RGPD3: variants seen among roughly 807,000 people sequenced by gnomAD.
RGPD3 encodes the protein RANBP2 like and GRIP domain containing 3.
Under a neutral mutation model 154.5 loss-of-function variants are expected in RGPD3, and 62 were observed. The observed-to-expected ratio is 0.40, with a 90% CI of 0.33 to 0.50. RGPD3 has a LOEUF of 0.50. RGPD3 is among the 20% of genes least tolerant of loss of function. The pLI, the probability that RGPD3 is intolerant of heterozygous loss-of-function variation, is 0.59. For missense variants in RGPD3, 919 were observed against 1,716.8 expected (o/e 0.54, Z 8.21); for synonymous variants, 308 against 607.0 (o/e 0.51, Z 7.24).
intron 8 of RGPD3, among the ~76,000 whole-genome samples, chr2:106,440,897 G>C (rs1677720276): frequency 9.0e-6 from 1 of 110,514 alleles, no homozygotes; most frequent in Admixed American, 1.0e-4. Flanking sequence ...TCCTCACTAT[G>C]CTCTCAGTTC....
intron 7 of RGPD3, among the ~76,000 whole-genome samples, chr2:106,446,307 C>T (rs1330448902): frequency 6.6e-6 from 1 of 150,622 alleles, no homozygotes; most frequent in Non-Finnish European, 1.5e-5. Flanking sequence ...TGGCTCACGC[C>T]TGTAAATCCC....
At chr2:106,446,569 CAAAAAA>C (rs550745664) in intron 7 of RGPD3, among the ~76,000 whole-genome samples, 10 of 20,552 alleles carry the variant, frequency 4.9e-4, no homozygotes, top group East Asian at 2.0e-3. Context: ...GACTCCATCT[CAAAAAA>C]AAAAAAAAAA....
At chr2:106,468,196 G>T (rs761499928) in intron 1 of RGPD3, 21 bp downstream of exon 1, 18 of 1,596,730 alleles carry the variant, frequency 1.1e-5, no homozygotes, top group East Asian at 2.3e-5. Flanking sequence ...GAGGCCGTCG[G>T]TCTCTTCCAG....
chr2:106,459,369 G>C lies in RGPD3; in HGVS notation c.73-37C>G, dbSNP rs747098382. On this transcript the variant is annotated intron_variant, in intron 1 of 22. Coordinates refer to ENST00000409886, the MANE Select transcript of RGPD3 (RefSeq NM_001144013.2). Reference sequence around the variant, plus strand: ...TAAAAGTTGTTTTACGTTTCATACAGAAATATTTTCCAACATTTTTTCAAA... The same window carrying C: ...TAAAAGTTGTTTTACGTTTCATACACAAATATTTTCCAACATTTTTTCAAA... The C allele has an allele frequency of 1.8e-5, 26 of 1,452,028 alleles. No homozygotes were observed. The African/African-American group carries it at 3.1e-4, about 17-fold the overall frequency. The allele number at this position is 1,452,028 out of a possible 1,614,324, so 89.9% of individuals were successfully genotyped here. A position where few individuals can be genotyped will look rare whatever the true frequency, so the allele number is the denominator to read the frequency against.
chr2:106,467,713 C>G (rs1335618463), intron 1 of RGPD3, among the ~76,000 whole-genome samples: 2 of 142,438 alleles, frequency 1.4e-5, no homozygotes, highest in Non-Finnish European at 3.0e-5. Context: ...CGGGCCAGGT[C>G]GAGGCCGCCG....
intron 22 of RGPD3, among the ~76,000 whole-genome samples, chr2:106,411,511 T>C (rs929090009): frequency 3.1e-4 from 46 of 149,264 alleles, no homozygotes; most frequent in Non-Finnish European, 5.0e-4. Context: ...AATATATTTA[T>C]ATATATAATT....
rs1335561702 is a variant in RGPD3 at position 106,403,946 on chromosome 2, T to C, written c.*1273A>G. On this transcript the variant is annotated 3_prime_UTR_variant, in exon 23 of 23. Transcript: ENST00000409886. ...AACTTCAGAGAGCATACTATGTGAT[T>C]AATACATAAATATTAAAAATTATCC... is the stretch of plus-strand genomic sequence containing the variant. Among the ~76,000 whole-genome samples the C allele has an allele frequency of 6.6e-6, 1 of 152,264 alleles. No individual in the cohort carries two copies. Among genetic ancestry groups the C allele is most frequent in the Non-Finnish European group, 1.5e-5 (1 of 68,050 alleles).
Position 106,404,669 on chromosome 2 carries a change from G to A in RGPD3, c.*550C>T, listed in dbSNP as rs1676453504. ...GAGACAAGGTCTCGCTCTGTTCCCC[G>A]AGCTGGAGTGCAGTGATACAATCAC... is the stretch of plus-strand genomic sequence containing the variant. On this transcript the variant is annotated 3_prime_UTR_variant, in exon 23 of 23. Transcript: ENST00000409886. Among the ~76,000 whole-genome samples the A allele has an allele frequency of 1.0e-5, 1 of 95,854 alleles. No individual in the cohort carries two copies. Among genetic ancestry groups the A allele is most frequent in the African/African-American group, 3.7e-5 (1 of 27,118 alleles). The allele number at this position is 95,854 out of a possible 152,430, so 62.9% of individuals were successfully genotyped here.
At chr2:106,446,096 A>T (rs1257557186) in intron 7 of RGPD3, among the ~76,000 whole-genome samples, 2 of 94,456 alleles carry the variant, frequency 2.1e-5, no homozygotes, top group Non-Finnish European at 4.2e-5. Context: ...CTCAAAAAGA[A>T]AAAAAGATTT....
rs555945767 is a variant in RGPD3 at position 106,424,140 on chromosome 2, C to G, written c.3827G>C (p.Ser1276Thr). 3.1e-5 allele frequency: 50 copies of G among 1,602,396 alleles called. 3 individuals carry two copies. The highest frequency in any genetic ancestry group is 4.0e-5 in the Non-Finnish European group (47 of 1,178,394). The change falls in exon 20 of 23, where the codon AGC becomes ACC. Residue 1276 changes from serine to threonine, a missense_variant. Ser to Thr is a moderately conservative substitution (Grantham distance 58, BLOSUM62 1). Coordinates refer to ENST00000409886, the MANE Select transcript of RGPD3 (RefSeq NM_001144013.2). ...SSVHASPLAS[S>T]PVRKNLFHFD... ...GTGGAAAAGATTTTTTCTCACAGGGCTACTTGCCAATGGAGAAGCATGTAC... is the reference window on the plus strand; with the variant it reads ...GTGGAAAAGATTTTTTCTCACAGGGGTACTTGCCAATGGAGAAGCATGTAC...
At chr2:106,421,897 C>T (rs1464335747) in intron 20 of RGPD3, among the ~76,000 whole-genome samples, 1 of 151,266 alleles carries the variant, frequency 6.6e-6, no homozygotes, top group African/African-American at 2.4e-5. Context: ...AAAAACAAAC[C>T]AACAAGGGTG....
Position 106,415,852 on chromosome 2 carries a change from T to G in RGPD3, c.5062A>C (p.Lys1688Gln). Reference protein sequence around the residue: ...ATNAVLMEQIKLLKSEIRRLE... With the variant: ...ATNAVLMEQIQLLKSEIRRLE... ...GTGGCCAGGTTTTCTGATCTCACCT[T>G]AATTTGCTCCATAAGGACTGCATTG... is the stretch of plus-strand genomic sequence containing the variant. Residue 1688 changes from lysine to glutamine, a missense_variant and splice_region_variant, in exon 21 of 23, where the codon AAG (lysine) becomes CAG (glutamine). Transcript: ENST00000409886. 1 of 1,611,870 alleles carries G rather than the reference T, an allele frequency of 6.2e-7. No homozygotes were observed. Among genetic ancestry groups the G allele is most frequent in the Non-Finnish European group, 8.5e-7 (1 of 1,179,832 alleles).
chr2:106,421,501 G>A (rs1676985391), intron 20 of RGPD3, among the ~76,000 whole-genome samples: 1 of 151,146 alleles, frequency 6.6e-6, no homozygotes, highest in Non-Finnish European at 1.5e-5. Context: ...GCATGGCTAA[G>A]ATGTGTTACT....
intron 6 of RGPD3, among the ~76,000 whole-genome samples, chr2:106,449,273 T>G (rs1230231123): frequency 1.4e-5 from 2 of 147,924 alleles, no homozygotes; most frequent in Admixed American, 1.3e-4. Flanking sequence ...AAGACCAGCC[T>G]AGCCAACATG....
At position 106,412,321 on chromosome 2, in the gene RGPD3, T is replaced by TTTTTTTTTTTTTTG. The variant is rs1558833076; in HGVS notation, c.5266+762_5266+763insCAAAAAAAAAAAAA. 5.0e-5 allele frequency among the ~76,000 whole-genome samples: 5 copies of TTTTTTTTTTTTTTG among 100,026 alleles called. 1 individual carries two copies. The highest frequency in any genetic ancestry group is 1.0e-4 in the Non-Finnish European group (5 of 48,708). 65.6% of individuals were successfully genotyped at this position (100,026 alleles called of 152,430 possible). A position where few individuals can be genotyped will look rare whatever the true frequency, so the allele number is the denominator to read the frequency against. On this transcript the variant is annotated intron_variant, in intron 22 of 22. Transcript: ENST00000409886. ...TTTTTTTTTTTTTTTTTTTTTTTTT[T>TTTTTTTTTTTTTTG]TTTTTTTTTTGAGATGGAGTCTCGC... is the stretch of plus-strand genomic sequence containing the variant.
chr2:106,451,104 A>C lies in RGPD3; in HGVS notation c.782+1101T>G, dbSNP rs1364843921. Among the ~76,000 whole-genome samples the C allele has an allele frequency of 5.2e-3, 753 of 144,948 alleles. 2 individuals are homozygous for C. The highest frequency in any genetic ancestry group is 5.5e-3 in the African/African-American group (209 of 38,134). On this transcript the variant is annotated intron_variant, in intron 6 of 22. Coordinates refer to ENST00000409886, the MANE Select transcript of RGPD3 (RefSeq NM_001144013.2). Reference sequence around the variant, plus strand: ...CTCCCTCTCAAAAAAAAAAAAACAAAAAAGAAAGAAAGAAAGAAAGAAAGA... The same window carrying C: ...CTCCCTCTCAAAAAAAAAAAAACAACAAAGAAAGAAAGAAAGAAAGAAAGA...
chr2:106,448,841 C>T (rs1310650032), intron 6 of RGPD3, among the ~76,000 whole-genome samples: 2 of 151,280 alleles, frequency 1.3e-5, no homozygotes, highest in South Asian at 4.2e-4. Context: ...TAGGCGCGTA[C>T]CAACATGCCC....
At chr2:106,448,364 C>T (rs1284758403) in intron 6 of RGPD3, among the ~76,000 whole-genome samples, 3 of 152,182 alleles carry the variant, frequency 2.0e-5, no homozygotes, top group Non-Finnish European at 4.4e-5. Flanking sequence ...CCCGCCTCAG[C>T]TTACCAATGT....
At chr2:106,434,175 C>T (rs1677464058) in intron 15 of RGPD3, 53 bp downstream of exon 15, 1 of 1,594,372 alleles carries the variant, frequency 6.3e-7, no homozygotes, top group Admixed American at 1.7e-5. Flanking sequence ...AACGCAAAAA[C>T]ACTGACCAGT....
Sources: allele counts gnomAD v4.1 joint callset (sites outside exome capture counted in the v4.1 genomes callset), GRCh38; gene constraint gnomAD v4.1.1; transcripts MANE v1.5; gene names NCBI Gene and HGNC (gene_info 2026-07-23, HGNC 2026-07-21).